DENND2B: variants seen among roughly 807,000 people sequenced by gnomAD.
DENND2B encodes DENN domain-containing protein 2B.
A neutral mutation model predicts 116.0 loss-of-function variants in DENND2B; 32 were observed. The ratio of observed to expected loss-of-function variants is 0.28; its 90% confidence interval spans 0.21 to 0.37. The LOEUF (loss-of-function observed/expected upper bound fraction) is 0.37. Ranked by LOEUF, DENND2B falls within the 10% of genes least tolerant of loss-of-function variation. The pLI, the probability that DENND2B is intolerant of heterozygous loss-of-function variation, is 1.00. For synonymous variants in DENND2B, 588 were observed against 583.9 expected, an observed-to-expected ratio of 1.01 and a Z score of -0.10; for missense variants, 1,276 against 1,477.7, an observed-to-expected ratio of 0.86 and a Z score of 2.24.
intron 1 of DENND2B, among the ~76,000 whole-genome samples, chr11:8,765,225 G>A (rs1186960269): frequency 6.6e-6 from 1 of 152,142 alleles, no homozygotes; most frequent in East Asian, 1.9e-4. Context: ...CCATCCACCT[G>A]CCCAACTCCT....
At chr11:8,721,081 G>A (rs375280915) in intron 4 of DENND2B, among the ~76,000 whole-genome samples, 8 of 152,122 alleles carry the variant, frequency 5.3e-5, no homozygotes, top group Middle Eastern at 3.2e-3. Context: ...AGCAAGCCCA[G>A]CTGGAGAAGC....
intron 1 of DENND2B, among the ~76,000 whole-genome samples, chr11:8,769,138 C>T (rs973128023): frequency 2.0e-5 from 3 of 152,126 alleles, no homozygotes; most frequent in Non-Finnish European, 4.4e-5. Context: ...CAATGCCTGC[C>T]AAGCCCAAGT....
chr11:8,714,027 C>T lies in DENND2B; in HGVS notation c.1958G>A (p.Ser653Asn). 1.2e-6 allele frequency: 2 copies of T among 1,614,158 alleles called. No individual in the cohort carries two copies. The highest frequency in any genetic ancestry group is 1.7e-6 in the Non-Finnish European group (2 of 1,180,046). The change falls in exon 8 of 20, where the codon AGC becomes AAC. Residue 653 changes from serine (S) to asparagine (N), a missense_variant. Ser to Asn is a conservative substitution (Grantham distance 46, BLOSUM62 1). Around this residue, in one of 2 missense-constraint regions of DENND2B, gnomAD observed 420 missense variants for 631.1 expected, o/e 0.67. Transcript: ENST00000313726. The stretch of plus-strand genomic sequence containing the variant: ...GAACCTGTCATCAGAGTCGCTCTCG[C>T]TCTCACTGTTTTCATCTGGAAAAGG... ...TASLRDENSE[S>N]ESDSDDRFKA...
intron 2 of DENND2B, among the ~76,000 whole-genome samples, chr11:8,737,148 G>C (rs936955539): frequency 6.6e-6 from 1 of 152,186 alleles, no homozygotes; most frequent in African/African-American, 2.4e-5. Context: ...TGGTAGAATA[G>C]AGTCTGGGTT....
chr11:8,886,279 A>G (rs1417170338), intron 1 of DENND2B, among the ~76,000 whole-genome samples: 2 of 152,196 alleles, frequency 1.3e-5, no homozygotes, highest in Non-Finnish European at 2.9e-5. Flanking sequence ...AACTTGCTTT[A>G]AGGCTTTGCC....
intron 3 of DENND2B, among the ~76,000 whole-genome samples, chr11:8,842,801 A>G (rs1247864919): frequency 6.6e-6 from 1 of 152,180 alleles, no homozygotes; most frequent in Non-Finnish European, 1.5e-5. Context: ...CTGTACCAGA[A>G]AAGTGTCACA....
chr11:8,832,451 CAAAAAAAAAAAAA>C, intron 4 of DENND2B: 1 of 100,656 alleles, frequency 9.9e-6, no homozygotes, highest in African/African-American at 3.7e-5. Context: ...ACTCTGTCTC[CAAAAAAAAAAAAA>C]AAAAAAAGAA....
Position 8,707,234 on chromosome 11 carries a change from A to G in DENND2B, c.2431-9T>C, listed in dbSNP as rs2042758682. 5 of 1,606,450 alleles carry G rather than the reference A, an allele frequency of 3.1e-6. No homozygotes were observed. In the East Asian group the frequency reaches 1.1e-4, roughly 36 times the overall value. Reference sequence around the variant, plus strand: ...TCCACCTCATCTAGGACCTGTGCCCACCGCCAGCAGCCCAAAGAGGAAGGG... The same window carrying G: ...TCCACCTCATCTAGGACCTGTGCCCGCCGCCAGCAGCCCAAAGAGGAAGGG... On this transcript the variant is annotated splice_polypyrimidine_tract_variant and intron_variant, in intron 12 of 19. Coordinates refer to ENST00000313726, the MANE Select transcript of DENND2B (RefSeq NM_213618.2). The surrounding 1 kb of genome is among the most constrained non-coding windows in gnomAD (Gnocchi z 4.8).
At chr11:8,780,799 C>A (rs1305072016) in intron 1 of DENND2B, among the ~76,000 whole-genome samples, 1 of 152,066 alleles carries the variant, frequency 6.6e-6, no homozygotes, top group Non-Finnish European at 1.5e-5. Context: ...AAGTGGTCCA[C>A]GAGGGCTAAT....
intron 3 of DENND2B, among the ~76,000 whole-genome samples, chr11:8,728,271 G>A (rs1303820586): frequency 6.6e-6 from 1 of 151,994 alleles, no homozygotes; most frequent in Non-Finnish European, 1.5e-5. Context: ...CCAAAGTGCT[G>A]GAATTACAGG....
intron 3 of DENND2B, among the ~76,000 whole-genome samples, chr11:8,727,820 A>T (rs2047336840): frequency 6.6e-6 from 1 of 151,796 alleles, no homozygotes; most frequent in African/African-American, 2.4e-5. Context: ...CAGTCAAATT[A>T]TCCTTGAAAA....
At chr11:8,893,578 A>C (rs1484979344) in intron 1 of DENND2B, among the ~76,000 whole-genome samples, 4 of 152,258 alleles carry the variant, frequency 2.6e-5, no homozygotes, top group Non-Finnish European at 5.9e-5. Flanking sequence ...ATGTGCAAAA[A>C]TCACAGCATT....
Position 8,711,235 on chromosome 11 carries a change from C to T in DENND2B, c.2173-4G>A. 6.2e-7 allele frequency: 1 copy of T among 1,613,498 alleles called. No homozygotes were observed. The highest frequency in any genetic ancestry group is 8.5e-7 in the Non-Finnish European group (1 of 1,179,940). The stretch of plus-strand genomic sequence containing the variant: ...TCTGCTTGGTGGGTCGGTCCAGCTG[C>T]AGGGAAGAAGGAACCAGGAGATGAC... On this transcript the variant is annotated splice_polypyrimidine_tract_variant and splice_region_variant and intron_variant, in intron 9 of 19. Coordinates refer to ENST00000313726, the MANE Select transcript of DENND2B (RefSeq NM_213618.2).
chr11:8,875,005 G>A (rs1410415158), upstream of DENND2B, among the ~76,000 whole-genome samples: 2 of 152,056 alleles, frequency 1.3e-5, no homozygotes, highest in African/African-American at 4.8e-5. Context: ...CAGACAACTG[G>A]GAAAGGTGGT....
intron 3 of DENND2B, among the ~76,000 whole-genome samples, chr11:8,854,917 G>T (rs531189618): frequency 6.6e-6 from 1 of 152,212 alleles, no homozygotes; most frequent in East Asian, 1.9e-4. Flanking sequence ...TTGCCATGTT[G>T]GTCAGACTAG....
At chr11:8,788,543 C>A (rs1304441319) in intron 1 of DENND2B, among the ~76,000 whole-genome samples, 1 of 152,188 alleles carries the variant, frequency 6.6e-6, no homozygotes, top group Non-Finnish European at 1.5e-5. Context: ...AAAGCAACTA[C>A]CCCACATCTT....
At chr11:8,849,819 T>C (rs1406730564) in intron 3 of DENND2B, among the ~76,000 whole-genome samples, 4 of 101,800 alleles carry the variant, frequency 3.9e-5, no homozygotes, top group Non-Finnish European at 8.4e-5. Flanking sequence ...GGAGTCTCCA[T>C]CTCAAAAAAA....
intron 4 of DENND2B, among the ~76,000 whole-genome samples, chr11:8,818,776 A>G (rs4554887): frequency 0.33 from 49,974 of 152,092 alleles, 10,154 homozygotes; most frequent in Non-Finnish European, 0.44. Flanking sequence ...ACAATTAATA[A>G]ATTTTTAAAT....
intron 2 of DENND2B, among the ~76,000 whole-genome samples, chr11:8,869,648 T>G (rs2063707558): frequency 6.7e-6 from 1 of 148,898 alleles, no homozygotes; most frequent in Admixed American, 6.7e-5. Context: ...AGAGAGAGAC[T>G]CCGTCTCGAA....
Sources: allele counts gnomAD v4.1 joint callset (sites outside exome capture counted in the v4.1 genomes callset), GRCh38; gene constraint gnomAD v4.1.1; regional missense constraint gnomAD v4.1.1; non-coding constraint Gnocchi (gnomAD v3.1); transcripts MANE v1.5; gene names NCBI Gene and HGNC (gene_info 2026-07-23, HGNC 2026-07-21).